Variants in DNMT3A observed in about 807,000 individuals in gnomAD.
DNMT3A encodes the protein DNA (cytosine-5)-methyltransferase 3A.
In DNMT3A, 267 loss-of-function variants were observed where a neutral mutation model predicts 117.6. The ratio of observed to expected loss-of-function variants is 2.27; its 90% CI spans 2.05 to 2.51. The LOEUF (loss-of-function observed/expected upper bound fraction) is 2.51, where lower values mean the gene tolerates loss of function less well. Ranked by LOEUF, DNMT3A falls within the 30% of genes most tolerant of loss-of-function variation. DNMT3A has a pLI of 0.00. For synonymous variants in DNMT3A, 432 were observed against 474.8 expected (o/e 0.91, Z 1.17); for missense variants, 1,029 against 1,260.2 (o/e 0.82, Z 2.78).
In DNMT3A at chr2:25,252,060, C is replaced by G; in HGVS notation, c.640-3808G>C. On this transcript the variant is annotated intron_variant, in intron 6 of 22. Coordinates refer to ENST00000321117, the MANE Select transcript of DNMT3A (RefSeq NM_022552.5). The surrounding 1 kb of genome is among the most constrained non-coding windows in gnomAD (Gnocchi z 5.5). The stretch of plus-strand genomic sequence containing the variant: ...AGCATCTCCAGAACTCGGGCCAGGC[C>G]GGGACGCCGCGGCTGCTGCGGGCCG... 1 of 1,214,160 alleles carries G rather than the reference C, an allele frequency of 8.2e-7. No individual in the cohort carries two copies. The highest frequency in any genetic ancestry group is 1.1e-6 in the Non-Finnish European group (1 of 884,672). The allele number at this position is 1,214,160 out of a possible 1,614,324, so 75.2% of individuals were successfully genotyped here.
chr2:25,243,985 A>C lies in DNMT3A; in HGVS notation c.1852-3T>G. 1 of 1,554,600 alleles carries C rather than the reference A, an allele frequency of 6.4e-7. No homozygotes were observed. The highest frequency in any genetic ancestry group is 8.7e-7 in the Non-Finnish European group (1 of 1,148,706). On this transcript the variant is annotated splice_polypyrimidine_tract_variant and splice_region_variant and intron_variant, in intron 15 of 22. Coordinates refer to ENST00000321117, the MANE Select transcript of DNMT3A (RefSeq NM_022552.5). ...GGTGGGTAAACCTTTGGAGGGTCCT[A>C]AGCAGTGAGCACAACAGGTCAGATG...
intron 1 of DNMT3A, among the ~76,000 whole-genome samples, chr2:25,336,108 T>A (rs2035206258): frequency 6.6e-6 from 1 of 152,346 alleles, no homozygotes; most frequent in Middle Eastern, 3.4e-3. Context: ...AAGGGAGATT[T>A]GGCCCAGAAG....
At chr2:25,259,949 C>A (rs1288656815) in intron 6 of DNMT3A, among the ~76,000 whole-genome samples, 1 of 152,128 alleles carries the variant, frequency 6.6e-6, no homozygotes, top group Non-Finnish European at 1.5e-5. Context: ...CCGGTCTTTC[C>A]CCCCCAACCC....
intron 1 of DNMT3A, among the ~76,000 whole-genome samples, chr2:25,331,946 T>C (rs2035030067): frequency 6.6e-6 from 1 of 151,024 alleles, no homozygotes; most frequent in African/African-American, 2.4e-5. Context: ...ACCCACACAG[T>C]TGGCTGAGCT....
At chr2:25,295,094 A>G (rs576285329) in intron 3 of DNMT3A, among the ~76,000 whole-genome samples, 1 of 152,330 alleles carries the variant, frequency 6.6e-6, no homozygotes, top group Admixed American at 6.5e-5. Flanking sequence ...CAGGGCTCCA[A>G]CCGGAACCAC....
At chr2:25,288,623 T>G (rs865983383) in intron 3 of DNMT3A, among the ~76,000 whole-genome samples, 7 of 152,170 alleles carry the variant, frequency 4.6e-5, no homozygotes, top group Non-Finnish European at 1.0e-4. Flanking sequence ...AAACACTTTT[T>G]TAAACTTCTA....
chr2:25,309,548 C>T (rs776102813), intron 2 of DNMT3A, among the ~76,000 whole-genome samples: 12 of 152,152 alleles, frequency 7.9e-5, no homozygotes, highest in Non-Finnish European at 1.8e-4. Context: ...CTCATCACAT[C>T]ACCACCGGGG....
Position 25,234,352 on chromosome 2 carries a change from A to G in DNMT3A, c.2666T>C (p.Leu889Pro), listed in dbSNP as rs1673090694. The change falls in exon 23 of 23, where the codon CTG (leucine) becomes CCG (proline). Residue 889 changes from leucine (L) to proline (P), a missense_variant. Transcript: ENST00000321117. This position sits in a 1 kb window ranked among gnomAD's most constrained non-coding sequence, Gnocchi z 4.5. ...NMSRLARQRL[L>P]GRSWSVPVIR... ...GACTGGCACGCTCCATGACCGGCCC[A>G]GCAGTCTCTGCCTCGCCAAGCGGCT... 6.2e-7 allele frequency: 1 copy of G among 1,614,174 alleles called. No homozygotes were observed. The highest frequency in any genetic ancestry group is 8.5e-7 in the Non-Finnish European group (1 of 1,180,014).
chr2:25,249,545 A>G, intron 6 of DNMT3A: 1 of 1,200,686 alleles, frequency 8.3e-7, no homozygotes, highest in South Asian at 1.2e-5. Flanking sequence ...GTATTCATTC[A>G]GTTATTTACT....
At chr2:25,235,632 G>C in intron 22 of DNMT3A, 75 bp downstream of exon 22, 1 of 1,187,768 alleles carries the variant, frequency 8.4e-7, no homozygotes. Flanking sequence ...AGGTGGGAAA[G>C]GCAGAGGACC....
chr2:25,245,119 G>C, intron 13 of DNMT3A, 134 bp downstream of exon 13: 1 of 773,286 alleles, frequency 1.3e-6, no homozygotes, highest in East Asian at 2.6e-5. Context: ...TCTGCTTCCA[G>C]AGGAAGCTCT....
chr2:25,246,946 G>T, intron 9 of DNMT3A, 105 bp downstream of exon 9: 1 of 1,455,480 alleles, frequency 6.9e-7, no homozygotes, highest in Non-Finnish European at 9.4e-7. Flanking sequence ...GAAAGGAGTC[G>T]CTGCCTCCTG....
chr2:25,292,374 A>AAAAAC (rs199862511), intron 3 of DNMT3A, among the ~76,000 whole-genome samples: 835 of 7,972 alleles, frequency 0.1, 5 homozygotes, highest in African/African-American at 0.35. Flanking sequence ...AAACAAAAAC[A>AAAAAC]AAAAAAGCCA....
chr2:25,248,262 CA>C lies in DNMT3A; in HGVS notation c.640-11del, dbSNP rs1675098397. 1.2e-6 allele frequency: 2 copies of C among 1,607,358 alleles called. No homozygotes were observed. The highest frequency in any genetic ancestry group is 1.7e-5 in the Admixed American group (1 of 57,908). On this transcript the variant is annotated splice_polypyrimidine_tract_variant and intron_variant, in intron 6 of 22. Coordinates refer to ENST00000321117, the MANE Select transcript of DNMT3A (RefSeq NM_022552.5). Reference sequence around the variant, plus strand: ...TGGCTTTCTTCTCAGCCTGGGGAAACAAAAAACAAAAAGTCACCTTGACCTC... The same window carrying C: ...TGGCTTTCTTCTCAGCCTGGGGAAACAAAAACAAAAAGTCACCTTGACCTC...
At chr2:25,300,698 TATCTAAATAATATA>T (rs2033404698) in intron 2 of DNMT3A, among the ~76,000 whole-genome samples, 3 of 83,240 alleles carry the variant, frequency 3.6e-5, no homozygotes, top group South Asian at 3.2e-4. Flanking sequence ...TATATTTATA[TATCTAAATAATATA>T]ATATATATAT....
intron 2 of DNMT3A, among the ~76,000 whole-genome samples, chr2:25,308,991 ACACACACACG>A (rs2033933287): frequency 6.6e-6 from 1 of 151,618 alleles, no homozygotes; most frequent in South Asian, 2.1e-4. Context: ...ACACACACAC[ACACACACACG>A]CACGCACATG....
intron 1 of DNMT3A, among the ~76,000 whole-genome samples, chr2:25,333,328 C>G (rs1573511243): frequency 7.0e-6 from 1 of 142,714 alleles, no homozygotes; most frequent in Non-Finnish European, 1.5e-5. Flanking sequence ...ACTTGCAGGT[C>G]TTTTTTTTTT....
chr2:25,317,676 G>A (rs1178709652), intron 1 of DNMT3A, among the ~76,000 whole-genome samples: 1 of 152,234 alleles, frequency 6.6e-6, no homozygotes, highest in Non-Finnish European at 1.5e-5. Context: ...TCTTTGCACA[G>A]AGTCACTTGG....
intron 2 of DNMT3A, among the ~76,000 whole-genome samples, chr2:25,301,565 T>G (rs1041128649): frequency 6.6e-6 from 1 of 152,164 alleles, no homozygotes; most frequent in Admixed American, 6.5e-5. Flanking sequence ...GCTTGTCTCC[T>G]GGGGCACAGA....
Sources: gnomAD v4.1 joint callset for allele counts (sites outside exome capture counted in the v4.1 genomes callset) on GRCh38, gnomAD v4.1.1 for gene constraint, Gnocchi (gnomAD v3.1) non-coding constraint, MANE v1.5 for transcripts, NCBI Gene and HGNC (gene_info 2026-07-23, HGNC 2026-07-21) for gene names.